AGAP1: variants seen among roughly 807,000 people sequenced by gnomAD.
The protein encoded by AGAP1 is ArfGAP with GTPase domain, ankyrin repeat and PH domain 1, also known as arf-GAP with GTPase, ANK repeat and PH domain-containing protein 1.
Under a neutral mutation model 105.3 loss-of-function variants are expected in AGAP1, and 29 were observed. The observed-to-expected ratio is 0.28, with a 90% CI of 0.21 to 0.38. AGAP1 has a LOEUF of 0.38. AGAP1 is among the 10% of genes least tolerant of loss of function. The pLI is 1.00. For missense variants in AGAP1, 998 were observed against 1,165.1 expected (o/e 0.86, Z 2.09); for synonymous variants, 509 against 485.9 (o/e 1.05, Z -0.63).
At chr2:235,803,006 T>C (rs148027815) in intron 8 of AGAP1, among the ~76,000 whole-genome samples, 2 of 2,388 alleles carry the variant, frequency 8.4e-4, no homozygotes, top group Non-Finnish European at 1.8e-3. Flanking sequence ...TGGTGATGGT[T>C]GTGGTTGTGA....
rs574623140 is a variant in AGAP1, at chr2:235,604,091, AATATAAAT to A, written c.164-105083_164-105076del. 4.5e-4 allele frequency among the ~76,000 whole-genome samples: 68 copies of A among 151,506 alleles called. 1 individual carries two copies. Among genetic ancestry groups the A allele is most frequent in the Non-Finnish European group, 8.0e-4 (54 of 67,820 alleles). On this transcript the variant is annotated intron_variant, in intron 1 of 17. Coordinates refer to ENST00000304032, the MANE Select transcript of AGAP1 (RefSeq NM_001037131.3). ...ATTTGCTCATTTTTTTTTTCCTTTT[AATATAAAT>A]ATATCAGAATTCAGGCTGGTTTCAG...
chr2:235,972,510 C>T (rs1559712193), intron 13 of AGAP1, among the ~76,000 whole-genome samples: 1 of 152,022 alleles, frequency 6.6e-6, no homozygotes, highest in Non-Finnish European at 1.5e-5. Flanking sequence ...CGGGGTGTAA[C>T]GGGGTGAGGA....
chr2:235,862,863 A>C (rs555652874), intron 9 of AGAP1, among the ~76,000 whole-genome samples: 1 of 152,158 alleles, frequency 6.6e-6, no homozygotes, highest in African/African-American at 2.4e-5. Flanking sequence ...CCGTGCGTGC[A>C]TTGAGACTGT....
At chr2:235,534,438 G>C (rs146750381) in intron 1 of AGAP1, among the ~76,000 whole-genome samples, 2 of 152,070 alleles carry the variant, frequency 1.3e-5, no homozygotes, top group Non-Finnish European at 2.9e-5. Flanking sequence ...AAATACAGTG[G>C]CACCTGCATG....
At chr2:236,006,135 C>A (rs1484048020) in intron 13 of AGAP1, among the ~76,000 whole-genome samples, 1 of 147,360 alleles carries the variant, frequency 6.8e-6, no homozygotes, top group Admixed American at 6.8e-5. Flanking sequence ...AGGCTGCTAT[C>A]CAATACTGCT....
intron 11 of AGAP1, among the ~76,000 whole-genome samples, chr2:235,926,293 C>T (rs561513291): frequency 2.6e-4 from 40 of 152,314 alleles, no homozygotes; most frequent in Admixed American, 6.5e-4. Flanking sequence ...GGGGGTGGTT[C>T]GTTTCTTTGA....
At chr2:235,944,176 A>G (rs1286218061) in intron 12 of AGAP1, among the ~76,000 whole-genome samples, 1 of 152,240 alleles carries the variant, frequency 6.6e-6, no homozygotes, top group Admixed American at 6.5e-5. Context: ...CTTAAATTAT[A>G]TACTTATTTA....
intron 11 of AGAP1, among the ~76,000 whole-genome samples, chr2:235,911,917 G>A (rs112433104): frequency 0.013 from 2,023 of 152,350 alleles, 22 homozygotes; most frequent in Non-Finnish European, 0.021. Context: ...GCACAGAGGC[G>A]TTGCCACTTT....
At position 236,131,182 on chromosome 2, in the gene AGAP1, C is replaced by T. The variant is rs1354688338; in HGVS notation, c.*7060C>T. 6.6e-6 allele frequency: 1 copy of T among 152,356 alleles called. No individual in the cohort carries two copies. Among genetic ancestry groups the T allele is most frequent in the East Asian group, 1.9e-4 (1 of 5,184 alleles). 9.4% of individuals were successfully genotyped at this position (152,356 alleles called of 1,614,324 possible). A position where few individuals can be genotyped will look rare whatever the true frequency, so the allele number is the denominator to read the frequency against. The stretch of plus-strand genomic sequence containing the variant: ...TCCAGACTGCAGCCCCTCTCAGCCC[C>T]GAGCACCTGAGCGCTGGGGAGGCCC... On this transcript the variant is annotated 3_prime_UTR_variant, in exon 18 of 18. Coordinates refer to ENST00000304032, the MANE Select transcript of AGAP1 (RefSeq NM_001037131.3). The surrounding 1 kb of genome is among the most constrained non-coding windows in gnomAD (Gnocchi z 5.9).
chr2:236,071,774 G>A (rs1203189626), intron 16 of AGAP1, among the ~76,000 whole-genome samples: 4 of 152,210 alleles, frequency 2.6e-5, no homozygotes, highest in Admixed American at 2.0e-4. Context: ...CCCCAGTGTT[G>A]CTGGGGAGTT....
At position 235,663,201 on chromosome 2, in the gene AGAP1, T is replaced by A. The variant is rs1057511032; in HGVS notation, c.164-45978T>A. ...GTGGGCGCCTGTGATCCCATCTACT[T>A]GGGAGGCTGAGGCAGGAGAATTGCT... is the stretch of plus-strand genomic sequence containing the variant. On this transcript the variant is annotated intron_variant, in intron 1 of 17. Transcript: ENST00000304032. This position sits in a 1 kb window ranked among gnomAD's most constrained non-coding sequence, Gnocchi z 5.4. Among the ~76,000 whole-genome samples, 6 of 151,928 alleles carry A rather than the reference T, an allele frequency of 3.9e-5. No homozygotes were observed. The highest frequency in any genetic ancestry group is 1.5e-4 in the African/African-American group (6 of 41,356).
intron 9 of AGAP1, among the ~76,000 whole-genome samples, chr2:235,835,003 A>G (rs1959956244): frequency 6.6e-6 from 1 of 152,184 alleles, no homozygotes; most frequent in Admixed American, 6.5e-5. Context: ...GACTTCAGAA[A>G]CCAGAGCAGG....
chr2:235,654,667 C>T (rs1025636848), intron 1 of AGAP1, among the ~76,000 whole-genome samples: 1 of 152,196 alleles, frequency 6.6e-6, no homozygotes, highest in South Asian at 2.1e-4. Flanking sequence ...GTCAGTGGTC[C>T]CCCCGGCCAC....
intron 9 of AGAP1, among the ~76,000 whole-genome samples, chr2:235,854,018 T>G (rs2048583412): frequency 6.6e-6 from 1 of 152,050 alleles, no homozygotes; most frequent in Non-Finnish European, 1.5e-5. Flanking sequence ...TTCCAGGCTT[T>G]CTTTGAGTGT....
At position 235,769,564 on chromosome 2, in the gene AGAP1, T is replaced by C. The variant is rs1183603162; in HGVS notation, c.673+19076T>C. ...TGTTAAAGAAATGCAAACAGTTAGT[T>C]GTTCCGTTCATGCTGTTGCGTGAGA... On this transcript the variant is annotated intron_variant, in intron 6 of 17. Transcript: ENST00000304032. The surrounding 1 kb of genome is among the most constrained non-coding windows in gnomAD (Gnocchi z 4.4). Among the ~76,000 whole-genome samples the C allele has an allele frequency of 6.6e-6, 1 of 152,210 alleles. No homozygotes were observed. The highest frequency in any genetic ancestry group is 1.5e-5 in the Non-Finnish European group (1 of 68,038).
rs908831709 is a variant in AGAP1 at position 235,906,001 on chromosome 2, G to A, written c.1156-2737G>A. Among the ~76,000 whole-genome samples the A allele has an allele frequency of 6.6e-6, 1 of 152,120 alleles. No homozygotes were observed. Among genetic ancestry groups the A allele is most frequent in the African/African-American group, 2.4e-5 (1 of 41,422 alleles). On this transcript the variant is annotated intron_variant, in intron 10 of 17. Coordinates refer to ENST00000304032, the MANE Select transcript of AGAP1 (RefSeq NM_001037131.3). This position sits in a 1 kb window ranked among gnomAD's most constrained non-coding sequence, Gnocchi z 5.3. ...AACTTCCAAGTGGAATCCCTTTCGG[G>A]GGCTGGTGAAGTCAGATTTGTTGTT...
intron 9 of AGAP1, chr2:235,852,974 A>C: frequency 8.0e-7 from 1 of 1,255,000 alleles, no homozygotes; most frequent in East Asian, 3.1e-5. Context: ...AAGAGGTTAC[A>C]GGAGGGAGAG....
In AGAP1 at chr2:236,005,793, T is replaced by G. The variant is rs1202798984; in HGVS notation, c.1646-30768T>G. Among the ~76,000 whole-genome samples the G allele has an allele frequency of 6.6e-6, 1 of 152,258 alleles. No individual in the cohort carries two copies. Among genetic ancestry groups the G allele is most frequent in the Non-Finnish European group, 1.5e-5 (1 of 68,048 alleles). On this transcript the variant is annotated intron_variant, in intron 13 of 17. Transcript: ENST00000304032. The surrounding 1 kb of genome is among the most constrained non-coding windows in gnomAD (Gnocchi z 4.1). ...GGAGAAGGACCACAGGGTGAAGTGC[T>G]ATTTCCATCCTATCCTGTCAAGGGT...
chr2:235,547,208 G>A (rs1015021032), intron 1 of AGAP1, among the ~76,000 whole-genome samples: 1 of 152,114 alleles, frequency 6.6e-6, no homozygotes, highest in Non-Finnish European at 1.5e-5. Context: ...GCTGCTTGAG[G>A]CCCACGTCCA....
Sources: gnomAD v4.1 joint callset for allele counts (sites outside exome capture counted in the v4.1 genomes callset) on GRCh38, gnomAD v4.1.1 for gene constraint, Gnocchi (gnomAD v3.1) non-coding constraint, MANE v1.5 for transcripts, NCBI Gene and HGNC (gene_info 2026-07-23, HGNC 2026-07-21) for gene names.